The following ADGRG4 variants were observed in gnomAD, a reference collection of about 807,000 sequenced individuals.
ADGRG4 encodes the protein adhesion G protein-coupled receptor G4.
ADGRG4 carries 122 observed loss-of-function variants against 126.2 expected under a neutral mutation model. That is an observed-to-expected ratio of 0.97 (90% CI 0.83 to 1.12). The LOEUF is 1.12. Ranked by LOEUF, ADGRG4 falls within the 50% of genes most tolerant of loss-of-function variation. The probability of loss-of-function intolerance (pLI) is 0.00; values close to 1 mark genes in which losing one functional copy is unlikely to be tolerated. For synonymous variants in ADGRG4, 943 were observed against 838.7 expected (o/e 1.12, Z -2.15); for missense variants, 2,481 against 2,251.8 (o/e 1.10, Z -2.06).
chrX:136,351,641 T>C (rs1485766969), intron 7 of ADGRG4, 100 bp downstream of exon 7: 3 of 351,028 alleles, frequency 8.5e-6, no homozygotes, highest in Non-Finnish European at 9.4e-6. Flanking sequence ...TTTACTTTTT[T>C]CTACCAATAA....
At chrX:136,341,181 C>G (rs1182804687) in intron 5 of ADGRG4, among the ~76,000 whole-genome samples, 1 of 112,104 alleles carries the variant, frequency 8.9e-6, no homozygotes, top group Non-Finnish European at 1.9e-5. Context: ...GATAAAAATA[C>G]CATGTCTAAC....
At chrX:136,372,822 G>A in intron 14 of ADGRG4, 80 bp from the exon 15 acceptor site, 2 of 964,332 alleles carry the variant, frequency 2.1e-6, no homozygotes, top group East Asian at 6.1e-5. Flanking sequence ...GAAAAGTCTT[G>A]CAATAAGGAA....
At chrX:136,384,941 G>T (rs2075285559) in intron 15 of ADGRG4, among the ~76,000 whole-genome samples, 1 of 109,483 alleles carries the variant, frequency 9.1e-6, no homozygotes. Flanking sequence ...TGAGCTTCTT[G>T]AATATGTAAA....
At position 136,416,571 on chromosome X, in the gene ADGRG4, C is replaced by A; in HGVS notation, c.*80C>A. The A allele has an allele frequency of 1.3e-6, 1 of 780,333 alleles. No individual in the cohort carries two copies. Among genetic ancestry groups the A allele is most frequent in the Non-Finnish European group, 1.9e-6 (1 of 525,630 alleles). 64.3% of individuals were successfully genotyped at this position (780,333 alleles called of 1,213,427 possible). The stretch of plus-strand genomic sequence containing the variant: ...AATGAATTCCAAGTGTATACTTGCT[C>A]GGGTGATGGGTGCACCAAAATCTCA... On this transcript the variant is annotated 3_prime_UTR_variant, in exon 26 of 26. Coordinates refer to ENST00000394143, the MANE Select transcript of ADGRG4 (RefSeq NM_153834.4).
chrX:136,307,571 G>T (rs1294535501), intron 3 of ADGRG4, among the ~76,000 whole-genome samples: 1 of 112,302 alleles, frequency 8.9e-6, no homozygotes, highest in East Asian at 2.8e-4. Flanking sequence ...ATTAATGGCT[G>T]GCATTCATAG....
chrX:136,337,797 T>C (rs1392639325), intron 5 of ADGRG4, among the ~76,000 whole-genome samples: 2 of 112,500 alleles, frequency 1.8e-5, no homozygotes, highest in South Asian at 3.6e-4. Context: ...GCTTTTATCC[T>C]TCCTGGAATT....
chrX:136,408,687 A>T (rs1195622567), intron 23 of ADGRG4, among the ~76,000 whole-genome samples: 1 of 111,861 alleles, frequency 8.9e-6, no homozygotes, highest in African/African-American at 3.3e-5. Context: ...ATAAGGGTAC[A>T]TGTGTCTTTT....
At chrX:136,351,392 A>C (rs1160191720) in intron 6 of ADGRG4, 55 bp from the exon 7 acceptor site, 1 of 694,622 alleles carries the variant, frequency 1.4e-6, no homozygotes, top group East Asian at 3.5e-5. Flanking sequence ...AATTTACAGA[A>C]GTCAAATTTC....
At chrX:136,373,203 A>G (rs183471320) in intron 15 of ADGRG4, 139 bp downstream of exon 15, 179 of 513,464 alleles carry the variant, frequency 3.5e-4, no homozygotes, top group East Asian at 2.5e-3. Flanking sequence ...CCCAGGGAAG[A>G]TTCGTATATA....
intron 5 of ADGRG4, among the ~76,000 whole-genome samples, chrX:136,332,688 G>A (rs2074920353): frequency 9.4e-6 from 1 of 106,728 alleles, no homozygotes; most frequent in Non-Finnish European, 1.9e-5. Context: ...ACTTTTTAAT[G>A]ATTGCCATTC....
At chrX:136,352,919 T>G (rs772853660) in intron 7 of ADGRG4, among the ~76,000 whole-genome samples, 3 of 111,901 alleles carry the variant, frequency 2.7e-5, no homozygotes, top group Non-Finnish European at 5.6e-5. Flanking sequence ...CAGAGTTGGT[T>G]TCTGGTGAGG....
chrX:136,387,608 C>T (rs1603299307), intron 15 of ADGRG4, 132 bp from the exon 16 acceptor site: 6 of 531,769 alleles, frequency 1.1e-5, no homozygotes, highest in East Asian at 1.0e-4. Flanking sequence ...AGTGTATCAT[C>T]GCTTATGGAG....
chrX:136,338,024 A>C (rs1603293724), intron 5 of ADGRG4, among the ~76,000 whole-genome samples: 1 of 110,620 alleles, frequency 9.0e-6, no homozygotes, highest in African/African-American at 3.3e-5. Flanking sequence ...TATTGTTTAG[A>C]TTGGGTGAAT....
chrX:136,335,495 T>C (rs936165337), intron 5 of ADGRG4, among the ~76,000 whole-genome samples: 1 of 111,121 alleles, frequency 9.0e-6, no homozygotes, highest in African/African-American at 3.3e-5. Context: ...CATGTGGGCC[T>C]GGAGATTATT....
chrX:136,303,097 G>A (rs745937095), intron 1 of ADGRG4, among the ~76,000 whole-genome samples: 1 of 111,865 alleles, frequency 8.9e-6, no homozygotes, highest in South Asian at 3.8e-4. Context: ...AAGGTGAGAC[G>A]GTTGCTTGAG....
chrX:136,328,320 G>C (rs1238114714), intron 5 of ADGRG4, among the ~76,000 whole-genome samples: 4 of 111,753 alleles, frequency 3.6e-5, no homozygotes, highest in Non-Finnish European at 1.9e-5. Context: ...GGTGGTGACA[G>C]AAATATCTTG....
At chrX:136,306,867 A>G (rs762665024) in intron 3 of ADGRG4, among the ~76,000 whole-genome samples, 2 of 110,743 alleles carry the variant, frequency 1.8e-5, no homozygotes, top group South Asian at 7.8e-4. Context: ...GGCATGCGCC[A>G]CCATGCCCGG....
Position 136,350,439 on chromosome X carries a change from G to T in ADGRG4, c.6727+6G>T. ...TACTGCCACCAAGTCCACAGGTACT[G>T]CTCCATAATGCATGTGGTGTAGCCC... On this transcript the variant is annotated splice_donor_region_variant and intron_variant, in intron 6 of 25. Coordinates refer to ENST00000394143, the MANE Select transcript of ADGRG4 (RefSeq NM_153834.4). The T allele has an allele frequency of 1.7e-6, 2 of 1,192,283 alleles. No individual in the cohort carries two copies. Among genetic ancestry groups the T allele is most frequent in the Non-Finnish European group, 2.3e-6 (2 of 884,964 alleles).
At chrX:136,338,111 C>T (rs1232388120) in intron 5 of ADGRG4, among the ~76,000 whole-genome samples, 1 of 107,190 alleles carries the variant, frequency 9.3e-6, no homozygotes, top group Non-Finnish European at 1.9e-5. Flanking sequence ...TCCAGCTCGT[C>T]TTAAAAATTT....
Sources: allele counts gnomAD v4.1 joint callset (sites outside exome capture counted in the v4.1 genomes callset), GRCh38; gene constraint gnomAD v4.1.1; transcripts MANE v1.5; gene names NCBI Gene and HGNC (gene_info 2026-07-23, HGNC 2026-07-21).